Variants in WDHD1 observed in about 807,000 individuals in gnomAD.
WDHD1 encodes WD repeat and HMG-box DNA binding protein 1, also known as WD repeat and HMG-box DNA-binding protein 1.
In WDHD1, 111 loss-of-function variants were observed where a neutral mutation model predicts 135.4. The observed-to-expected ratio is 0.82, with a 90% CI of 0.70 to 0.96. The LOEUF (loss-of-function observed/expected upper bound fraction) is 0.96. WDHD1 is among the 40% of genes least tolerant of loss of function. The pLI is 0.00. For missense variants in WDHD1, 1,351 were observed against 1,336.3 expected, an observed-to-expected ratio of 1.01 and a Z score of -0.17; for synonymous variants, 434 against 439.0, an observed-to-expected ratio of 0.99 and a Z score of 0.14.
intron 2 of WDHD1, among the ~76,000 whole-genome samples, chr14:55,015,132 A>G (rs1176101938): frequency 6.6e-6 from 1 of 152,144 alleles, no homozygotes; most frequent in African/African-American, 2.4e-5. Flanking sequence ...GGCATTGTCC[A>G]GGAATTTTCA....
rs780156639 is a variant in WDHD1 at position 55,000,618 on chromosome 14, A to T, written c.827T>A (p.Ile276Asn). 6.3e-7 allele frequency: 1 copy of T among 1,597,000 alleles called. No homozygotes were observed. The change falls in exon 10 of 26, where the codon ATT becomes AAT. Residue 276 changes from isoleucine to asparagine, a missense_variant. Around this residue, in one of 2 missense-constraint regions of WDHD1, gnomAD observed 1,330 missense variants for 1,296.1 expected, o/e 1.03. Coordinates refer to ENST00000360586, the MANE Select transcript of WDHD1 (RefSeq NM_007086.4). ...AGTAGGATGCCATGCCAGACCACAA[A>T]TTGCATAACCTTTCTCATGTTTCAC... is the stretch of plus-strand genomic sequence containing the variant. Reference protein sequence around the residue: ...ERVKHEKGYAICGLAWHPTCG... With the variant: ...ERVKHEKGYANCGLAWHPTCG...
At chr14:54,947,832 TC>T (rs1343930059) in intron 24 of WDHD1, among the ~76,000 whole-genome samples, 2 of 151,898 alleles carry the variant, frequency 1.3e-5, no homozygotes, top group Admixed American at 6.5e-5. Context: ...CCTCAAGTGA[TC>T]CGCCCACCTC....
Position 54,941,388 on chromosome 14 carries a change from T to A in WDHD1, c.*102A>T. ...ATAAAGACAAACAGTTGCTTCAAAC[T>A]CTTTAAAAAATATATATATAATGAG... On this transcript the variant is annotated 3_prime_UTR_variant, in exon 26 of 26. Coordinates refer to ENST00000360586, the MANE Select transcript of WDHD1 (RefSeq NM_007086.4). 1.0e-6 allele frequency: 1 copy of A among 983,400 alleles called. No individual in the cohort carries two copies. The highest frequency in any genetic ancestry group is 3.1e-5 in the Admixed American group (1 of 32,172). The allele number at this position is 983,400 out of a possible 1,614,324, so 60.9% of individuals were successfully genotyped here. A position where few individuals can be genotyped will look rare whatever the true frequency, so the allele number is the denominator to read the frequency against.
intron 12 of WDHD1, among the ~76,000 whole-genome samples, chr14:54,990,396 G>C (rs892080048): frequency 6.6e-6 from 1 of 152,102 alleles, no homozygotes; most frequent in African/African-American, 2.4e-5. Flanking sequence ...AGGAGATCGA[G>C]ACCATCCTGT....
chr14:54,954,399 T>G (rs2041116677), intron 24 of WDHD1, among the ~76,000 whole-genome samples: 1 of 152,226 alleles, frequency 6.6e-6, no homozygotes, highest in Admixed American at 6.5e-5. Context: ...CTCATATTGC[T>G]AAAGGTGTAT....
intron 20 of WDHD1, 33 bp downstream of exon 20, chr14:54,962,705 C>T: frequency 1.2e-6 from 2 of 1,606,062 alleles, no homozygotes; most frequent in South Asian, 2.2e-5. Context: ...CATGATAGTT[C>T]TCATGATTTA....
intron 16 of WDHD1, among the ~76,000 whole-genome samples, chr14:54,979,737 G>GA (rs1409279183): frequency 6.6e-6 from 1 of 152,172 alleles, no homozygotes; most frequent in Non-Finnish European, 1.5e-5. Flanking sequence ...GTATAAAAAT[G>GA]AATACAGAGA....
At chr14:54,989,324 T>A (rs1040474029) in intron 12 of WDHD1, 112 bp from the exon 13 acceptor site, 1 of 828,828 alleles carries the variant, frequency 1.2e-6, no homozygotes, top group Admixed American at 3.2e-5. Context: ...TATTAAGATT[T>A]AGGTTTTGGG....
chr14:54,983,704 A>G (rs535819058), intron 15 of WDHD1, among the ~76,000 whole-genome samples: 3 of 151,848 alleles, frequency 2.0e-5, no homozygotes, highest in Non-Finnish European at 2.9e-5. Flanking sequence ...TTTTAAATAG[A>G]GATGGGATCT....
chr14:54,995,563 A>T (rs1425750236), intron 11 of WDHD1, 40 bp downstream of exon 11: 1 of 1,447,404 alleles, frequency 6.9e-7, no homozygotes, highest in African/African-American at 1.4e-5. Context: ...CTAAAATATT[A>T]ATCAACAGGG....
At chr14:55,018,936 T>C (rs544133723) in intron 2 of WDHD1, among the ~76,000 whole-genome samples, 4 of 152,234 alleles carry the variant, frequency 2.6e-5, no homozygotes, top group South Asian at 2.1e-4. Flanking sequence ...GGCAGGAGAA[T>C]TGCTTGAACC....
At position 55,027,057 on chromosome 14, in the gene WDHD1, T is replaced by TC; in HGVS notation, c.-47dup. ...GTGACCGAGCCTCCGCCACTGAGGA[T>TC]CCACAAGAGCTGCTTCCCGCGCTTC... On this transcript the variant is annotated 5_prime_UTR_variant, in exon 1 of 26. Transcript: ENST00000360586. The TC allele has an allele frequency of 2.2e-6, 1 of 461,918 alleles. No individual in the cohort carries two copies. The highest frequency in any genetic ancestry group is 4.0e-6 in the Non-Finnish European group (1 of 252,006). 28.6% of individuals were successfully genotyped at this position (461,918 alleles called of 1,614,324 possible).
At chr14:54,950,523 G>C (rs1040102015) in intron 24 of WDHD1, among the ~76,000 whole-genome samples, 2 of 152,002 alleles carry the variant, frequency 1.3e-5, no homozygotes, top group African/African-American at 4.8e-5. Context: ...CCTACAAAGA[G>C]ACTTAGACTC....
At chr14:54,955,895 C>CTTTTTTTTTTT (rs71131243) in intron 23 of WDHD1, among the ~76,000 whole-genome samples, 3 of 110,096 alleles carry the variant, frequency 2.7e-5, no homozygotes, top group Non-Finnish European at 3.6e-5. Context: ...CCATGTTTTC[C>CTTTTTTTTTTT]TTTTTTTTTT....
At chr14:54,968,522 A>G (rs540829548) in intron 16 of WDHD1, among the ~76,000 whole-genome samples, 1 of 152,292 alleles carries the variant, frequency 6.6e-6, no homozygotes, top group African/African-American at 2.4e-5. Context: ...CAGCAGAACT[A>G]AACAAAATTG....
chr14:54,979,902 TCA>T (rs2041589164), intron 16 of WDHD1, among the ~76,000 whole-genome samples: 1 of 152,246 alleles, frequency 6.6e-6, no homozygotes, highest in Non-Finnish European at 1.5e-5. Context: ...GGTATTTATT[TCA>T]CTTAACACAT....
intron 2 of WDHD1, among the ~76,000 whole-genome samples, chr14:55,017,232 AG>A (rs2042275646): frequency 6.6e-6 from 1 of 152,236 alleles, no homozygotes; most frequent in Admixed American, 6.5e-5. Context: ...CTGCGAAAGA[AG>A]TGCTTTTAGA....
At chr14:55,013,194 CAAAAAAAAAA>C (rs71448422) in intron 3 of WDHD1, among the ~76,000 whole-genome samples, 3 of 82,336 alleles carry the variant, frequency 3.6e-5, no homozygotes, top group Non-Finnish European at 6.7e-5. Flanking sequence ...GATCCCGTTT[CAAAAAAAAAA>C]AAAAAAAAAA....
intron 24 of WDHD1, chr14:54,944,740 C>A (rs2040894691): frequency 4.8e-6 from 1 of 207,642 alleles, no homozygotes; most frequent in Non-Finnish European, 9.5e-6. Context: ...CTGCCTCAGC[C>A]TCCCAAGTAG....
Sources: allele counts gnomAD v4.1 joint callset (sites outside exome capture counted in the v4.1 genomes callset), GRCh38; gene constraint gnomAD v4.1.1; regional missense constraint gnomAD v4.1.1; transcripts MANE v1.5; gene names NCBI Gene and HGNC (gene_info 2026-07-23, HGNC 2026-07-21).